The following RERE variants were observed in gnomAD, a reference collection of about 807,000 sequenced individuals.
The protein encoded by RERE is arginine-glutamic acid dipeptide repeats protein.
In RERE, 40 loss-of-function variants were observed where a neutral mutation model predicts 146.1. That is an observed-to-expected ratio of 0.27 (90% CI 0.21 to 0.36). The LOEUF is 0.36. Among genes scored for constraint, RERE ranks in the 10% least tolerant of loss-of-function variants. The pLI, the probability that RERE is intolerant of heterozygous loss-of-function variation, is 1.00. For missense variants in RERE, 1,933 were observed against 2,138.7 expected (o/e 0.90, Z 1.90); for synonymous variants, 1,003 against 866.0 (o/e 1.16, Z -2.78).
At chr1:8,480,933 G>T (rs945406160) in intron 10 of RERE, among the ~76,000 whole-genome samples, 3 of 152,104 alleles carry the variant, frequency 2.0e-5, no homozygotes, top group East Asian at 1.9e-4. Context: ...ATCTGATAAA[G>T]AAGTTTCTTA....
Position 8,480,283 on chromosome 1 carries a change from G to A in RERE, c.1105-14260C>T, listed in dbSNP as rs1382376124. On this transcript the variant is annotated intron_variant, in intron 10 of 22. Transcript: ENST00000400908. ...ACCTCCTGAGTGGCTGAGATTACGGGTGTGCACCACCACACCCGACTAATT... is the reference window on the plus strand; with the variant it reads ...ACCTCCTGAGTGGCTGAGATTACGGATGTGCACCACCACACCCGACTAATT... Among the ~76,000 whole-genome samples, 4 of 151,354 alleles carry A rather than the reference G, an allele frequency of 2.6e-5. No homozygotes were observed. The East Asian group carries it at 7.7e-4, about 29-fold the overall frequency.
Position 8,360,485 on chromosome 1 carries a change from T to G in RERE, c.3022A>C (p.Thr1008Pro). The change falls in exon 18 of 23, where the codon ACC (threonine) becomes CCC (proline). Residue 1008 changes from threonine to proline, a missense_variant. Physicochemically the swap from Thr to Pro is conservative, Grantham distance 38. Around this residue, in one of 11 missense-constraint regions of RERE, gnomAD observed 1,255 missense variants for 1,153.8 expected, o/e 1.09. Coordinates refer to ENST00000400908, the MANE Select transcript of RERE (RefSeq NM_001042681.2). ...PSSPAQPPGL[T>P]QSQNLPPPPA... ...GGCGGGGGCAGGTTCTGGCTCTGGG[T>G]CAGCCCGGGGGGCTGGGCGGGCGAG... 1.7e-6 allele frequency: 2 copies of G among 1,166,070 alleles called. No homozygotes were observed. The highest frequency in any genetic ancestry group is 1.9e-5 in the African/African-American group (1 of 52,604). 72.2% of individuals were successfully genotyped at this position (1,166,070 alleles called of 1,614,324 possible).
At chr1:8,587,936 C>A (rs1646446175) in intron 4 of RERE, among the ~76,000 whole-genome samples, 1 of 152,138 alleles carries the variant, frequency 6.6e-6, no homozygotes, top group South Asian at 2.1e-4. Flanking sequence ...ATGTTGGGAC[C>A]CTGAAAGACA....
chr1:8,713,659 G>A lies in RERE; in HGVS notation c.-144-57218C>T, dbSNP rs554546762. ...TGAGGCAGAAGAACCACTTGAACCC[G>A]GGAGGCAGAGCCTGTAGGGAGCCGA... On this transcript the variant is annotated intron_variant, in intron 1 of 22. Coordinates refer to ENST00000400908, the MANE Select transcript of RERE (RefSeq NM_001042681.2). 5.9e-5 allele frequency among the ~76,000 whole-genome samples: 9 copies of A among 152,142 alleles called. No individual in the cohort carries two copies. The South Asian group carries it at 1.2e-3, about 21-fold the overall frequency.
chr1:8,761,702 A>G (rs1557526828), intron 1 of RERE, among the ~76,000 whole-genome samples: 1 of 152,086 alleles, frequency 6.6e-6, no homozygotes, highest in East Asian at 1.9e-4. Flanking sequence ...CAGATCACCT[A>G]AGGTCAGGAG....
At chr1:8,789,296 A>AT (rs1208588681) in intron 1 of RERE, among the ~76,000 whole-genome samples, 2,443 of 101,750 alleles carry the variant, frequency 0.024, 32 homozygotes, top group East Asian at 0.042. Flanking sequence ...AAAAAAAAAA[A>AT]AAAAAATATA....
chr1:8,772,704 C>T (rs1407794261), intron 1 of RERE, among the ~76,000 whole-genome samples: 2 of 151,904 alleles, frequency 1.3e-5, no homozygotes, highest in African/African-American at 4.8e-5. Context: ...CACTTGAACC[C>T]GGAAGGTAGA....
chr1:8,475,246 C>T (rs1644739479), intron 10 of RERE, among the ~76,000 whole-genome samples: 1 of 150,620 alleles, frequency 6.6e-6, no homozygotes, highest in Non-Finnish European at 1.5e-5. Flanking sequence ...TGGTGGCGCG[C>T]ACCTGTAATC....
intron 6 of RERE, among the ~76,000 whole-genome samples, chr1:8,549,995 C>G (rs1413758327): frequency 6.6e-6 from 1 of 152,122 alleles, no homozygotes; most frequent in South Asian, 2.1e-4. Flanking sequence ...CATATAAGAT[C>G]CTAGAACAAC....
At chr1:8,695,980 G>A (rs971079254) in intron 1 of RERE, among the ~76,000 whole-genome samples, 1 of 152,102 alleles carries the variant, frequency 6.6e-6, no homozygotes, top group African/African-American at 2.4e-5. Flanking sequence ...ATGATAAAAT[G>A]TTTAACATCA....
chr1:8,613,145 G>A (rs979741950), intron 4 of RERE, among the ~76,000 whole-genome samples: 6 of 152,126 alleles, frequency 3.9e-5, no homozygotes, highest in African/African-American at 9.7e-5. Flanking sequence ...ATCTTTCCCC[G>A]TTCCACACTG....
In RERE at chr1:8,502,363, G is replaced by A. The variant is rs1485026044; in HGVS notation, c.880-4834C>T. On this transcript the variant is annotated intron_variant, in intron 8 of 22. Coordinates refer to ENST00000400908, the MANE Select transcript of RERE (RefSeq NM_001042681.2). ...GGGGGGTCAGCCCCCCGCCCGGCCA[G>A]CCGCCCTATCCAGGAGGTGAGGGGC... Among the ~76,000 whole-genome samples the A allele has an allele frequency of 1.3e-4, 15 of 119,442 alleles. No individual in the cohort carries two copies. The East Asian group carries it at 3.9e-3, about 31-fold the overall frequency. 78.4% of individuals were successfully genotyped at this position (119,442 alleles called of 152,430 possible). A position where few individuals can be genotyped will look rare whatever the true frequency, so the allele number is the denominator to read the frequency against.
At chr1:8,626,203 C>G (rs537283076) in intron 2 of RERE, among the ~76,000 whole-genome samples, 1 of 152,184 alleles carries the variant, frequency 6.6e-6, no homozygotes, top group Non-Finnish European at 1.5e-5. Flanking sequence ...ACTCAATTCC[C>G]TAGATAAAAA....
At chr1:8,713,336 CTT>C (rs887843018) in intron 1 of RERE, among the ~76,000 whole-genome samples, 6 of 152,304 alleles carry the variant, frequency 3.9e-5, no homozygotes, top group Admixed American at 3.9e-4. Flanking sequence ...AAATGACACT[CTT>C]GCTTGAATGC....
intron 1 of RERE, among the ~76,000 whole-genome samples, chr1:8,775,470 G>A (rs893306815): frequency 1.3e-5 from 2 of 152,152 alleles, no homozygotes; most frequent in African/African-American, 4.8e-5. Flanking sequence ...TGTAGTCCCA[G>A]CTACTCAGGA....
chr1:8,513,046 A>T (rs924550190), intron 7 of RERE: 3 of 152,202 alleles, frequency 2.0e-5, no homozygotes, highest in Non-Finnish European at 4.4e-5. Context: ...AGAGCCCAGC[A>T]AACTTTTAGG....
At chr1:8,805,287 C>T (rs989527067) in intron 1 of RERE, among the ~76,000 whole-genome samples, 5 of 151,946 alleles carry the variant, frequency 3.3e-5, no homozygotes, top group African/African-American at 9.7e-5. Flanking sequence ...CCGAGGTGGG[C>T]GGATTGTCTG....
chr1:8,580,705 T>C (rs1248981202), intron 4 of RERE, among the ~76,000 whole-genome samples: 2 of 152,054 alleles, frequency 1.3e-5, no homozygotes, highest in African/African-American at 2.4e-5. Flanking sequence ...AACCTCGATC[T>C]AGCTAGCTAG....
chr1:8,618,100 T>A (rs981400239), intron 3 of RERE, among the ~76,000 whole-genome samples: 1 of 152,200 alleles, frequency 6.6e-6, no homozygotes, highest in Non-Finnish European at 1.5e-5. Context: ...AATAAATACT[T>A]ACTGTGGACA....
Sources: allele counts gnomAD v4.1 joint callset (sites outside exome capture counted in the v4.1 genomes callset), GRCh38; gene constraint gnomAD v4.1.1; regional missense constraint gnomAD v4.1.1; transcripts MANE v1.5; gene names NCBI Gene and HGNC (gene_info 2026-07-23, HGNC 2026-07-21).